Variants in CA12 observed in about 807,000 individuals in gnomAD.
The protein encoded by CA12 is carbonic anhydrase 12, also known as carbonate dehydratase XII.
Under a neutral mutation model 46.8 loss-of-function variants are expected in CA12, and 36 were observed. That is an observed-to-expected ratio of 0.77 (90% CI 0.59 to 1.02). The LOEUF (loss-of-function observed/expected upper bound fraction) is 1.02, where lower values mean the gene tolerates loss of function less well. Among genes scored for constraint, CA12 ranks in the 50% least tolerant of loss-of-function variants. The probability of loss-of-function intolerance (pLI) is 0.00; values close to 1 mark genes in which losing one functional copy is unlikely to be tolerated. For synonymous variants in CA12, 202 were observed against 187.0 expected (o/e 1.08, Z -0.65); for missense variants, 436 against 451.4 (o/e 0.97, Z 0.31).
intron 2 of CA12, among the ~76,000 whole-genome samples, chr15:63,347,200 G>C (rs1055207757): frequency 2.2e-4 from 33 of 152,204 alleles, no homozygotes; most frequent in Non-Finnish European, 2.2e-4. Flanking sequence ...TGACCACAGT[G>C]CCAAGTATTA....
In CA12 at chr15:63,322,573, G is replaced by GTAT. The variant is rs1567037665; in HGVS notation, c.*3711_*3712insATA. The GTAT allele has an allele frequency of 6.6e-6, 1 of 152,194 alleles. No individual in the cohort carries two copies. The highest frequency in any genetic ancestry group is 1.5e-5 in the Non-Finnish European group (1 of 68,036). 9.4% of individuals were successfully genotyped at this position (152,194 alleles called of 1,614,324 possible). ...AAGGAGGGCCTGAGTTCCCTCTGCC[G>GTAT]ACCTATGGCTCTCACTGCTATGCCT... On this transcript the variant is annotated 3_prime_UTR_variant, in exon 11 of 11. Transcript: ENST00000178638. This position sits in a 1 kb window ranked among gnomAD's most constrained non-coding sequence, Gnocchi z 4.1.
intron 2 of CA12, among the ~76,000 whole-genome samples, chr15:63,365,412 G>C (rs1219706421): frequency 6.6e-6 from 1 of 152,238 alleles, no homozygotes; most frequent in Non-Finnish European, 1.5e-5. Context: ...AGGGAGTTAA[G>C]AGGCCCAAGT....
intron 8 of CA12, among the ~76,000 whole-genome samples, chr15:63,336,220 A>C (rs567132946): frequency 6.6e-6 from 1 of 152,316 alleles, no homozygotes; most frequent in East Asian, 1.9e-4. Flanking sequence ...GAGGCCCCTC[A>C]AGCTCCCCTA....
intron 2 of CA12, among the ~76,000 whole-genome samples, 180 bp from the exon 3 acceptor site, chr15:63,346,889 C>T (rs748498594): frequency 2.6e-5 from 4 of 152,210 alleles, no homozygotes; most frequent in Non-Finnish European, 5.9e-5. Flanking sequence ...CTCAGGACCA[C>T]CTGCTCTTAA....
rs951934294 is a variant in CA12, at chr15:63,324,720, G to T, written c.*1565C>A. ...TTTTTTTTTTTTGAGATGGAGTCTCGCTCTGTCACCCAGGCTAGAGTGCAG... is the reference window on the plus strand; with the variant it reads ...TTTTTTTTTTTTGAGATGGAGTCTCTCTCTGTCACCCAGGCTAGAGTGCAG... On this transcript the variant is annotated 3_prime_UTR_variant, in exon 11 of 11. Transcript: ENST00000178638. 1.5e-5 allele frequency: 2 copies of T among 137,150 alleles called. No homozygotes were observed. Among genetic ancestry groups the T allele is most frequent in the African/African-American group, 5.6e-5 (2 of 35,954 alleles). The allele number at this position is 137,150 out of a possible 1,614,324, so 8.5% of individuals were successfully genotyped here.
chr15:63,360,851 G>A (rs1463550860), intron 2 of CA12, among the ~76,000 whole-genome samples: 2 of 152,152 alleles, frequency 1.3e-5, no homozygotes, highest in African/African-American at 4.8e-5. Flanking sequence ...CTGCTTATAT[G>A]TCTACCTCCC....
Position 63,328,639 on chromosome 15 carries a change from G to T in CA12, c.875-509C>A, listed in dbSNP as rs1184955826. Among the ~76,000 whole-genome samples, 1 of 152,034 alleles carries T rather than the reference G, an allele frequency of 6.6e-6. No homozygotes were observed. The highest frequency in any genetic ancestry group is 1.5e-5 in the Non-Finnish European group (1 of 68,006). ...GTGAGCCCCTGCGCCCGGCCCCGAT[G>T]CTCCTTTATCACAACAGTTTCCTGG... On this transcript the variant is annotated intron_variant, in intron 8 of 10. Coordinates refer to ENST00000178638, the MANE Select transcript of CA12 (RefSeq NM_001218.5). This position sits in a 1 kb window ranked among gnomAD's most constrained non-coding sequence, Gnocchi z 5.9.
chr15:63,345,436 C>A lies in CA12; in HGVS notation c.429+41G>T. ...CAGGTCGAGAAGGTGCCACACCACCCACTGCAGAGCAGCCTCTGCCAGACT... is the reference window on the plus strand; with the variant it reads ...CAGGTCGAGAAGGTGCCACACCACCAACTGCAGAGCAGCCTCTGCCAGACT... On this transcript the variant is annotated intron_variant, in intron 4 of 10. Coordinates refer to ENST00000178638, the MANE Select transcript of CA12 (RefSeq NM_001218.5). This position sits in a 1 kb window ranked among gnomAD's most constrained non-coding sequence, Gnocchi z 4.3. 6.2e-7 allele frequency: 1 copy of A among 1,600,346 alleles called. No homozygotes were observed. Among genetic ancestry groups the A allele is most frequent in the South Asian group, 1.1e-5 (1 of 90,892 alleles).
At chr15:63,337,466 T>G (rs907074821) in intron 8 of CA12, among the ~76,000 whole-genome samples, 9 of 151,314 alleles carry the variant, frequency 5.9e-5, no homozygotes, top group Admixed American at 2.6e-4. Context: ...TGTTTTTTGG[T>G]TTTTTTTTGA....
In CA12 at chr15:63,322,718, A is replaced by T. The variant is rs1298569421; in HGVS notation, c.*3567T>A. 6.6e-6 allele frequency: 1 copy of T among 152,262 alleles called. No homozygotes were observed. The highest frequency in any genetic ancestry group is 2.4e-5 in the African/African-American group (1 of 41,462). 9.4% of individuals were successfully genotyped at this position (152,262 alleles called of 1,614,324 possible). Reference sequence around the variant, plus strand: ...GTCCAAGGAGTGAGTGCTTCGTGGGAACTCTGGCTTCCCGGCTGTCTTCAT... The same window carrying T: ...GTCCAAGGAGTGAGTGCTTCGTGGGTACTCTGGCTTCCCGGCTGTCTTCAT... On this transcript the variant is annotated 3_prime_UTR_variant, in exon 11 of 11. Coordinates refer to ENST00000178638, the MANE Select transcript of CA12 (RefSeq NM_001218.5). This position sits in a 1 kb window ranked among gnomAD's most constrained non-coding sequence, Gnocchi z 4.1.
rs2152627486 is a variant in CA12, at chr15:63,374,542, A to C, written c.106+1116T>G. Among the ~76,000 whole-genome samples, 1 of 152,340 alleles carries C rather than the reference A, an allele frequency of 6.6e-6. No homozygotes were observed. Among genetic ancestry groups the C allele is most frequent in the Non-Finnish European group, 1.5e-5 (1 of 68,028 alleles). ...CCTTCTATTACCCACCCACTTAGCA[A>C]TGTGCTGTGCACATAATCAGTACAT... On this transcript the variant is annotated intron_variant, in intron 2 of 10. Transcript: ENST00000178638. The surrounding 1 kb of genome is among the most constrained non-coding windows in gnomAD (Gnocchi z 4.4).
chr15:63,328,158 T>C lies in CA12; in HGVS notation c.875-28A>G. 6.2e-7 allele frequency: 1 copy of C among 1,610,940 alleles called. No individual in the cohort carries two copies. ...TAAAAGGGGAGAGGAAAAGACGAGG[T>C]TACTCTAGAGTCAAACCACACTGGA... On this transcript the variant is annotated intron_variant, in intron 8 of 10. Coordinates refer to ENST00000178638, the MANE Select transcript of CA12 (RefSeq NM_001218.5). This position sits in a 1 kb window ranked among gnomAD's most constrained non-coding sequence, Gnocchi z 5.9.
Position 63,346,574 on chromosome 15 carries a change from A to C in CA12, c.242T>G (p.Leu81Arg). Residue 81 changes from leucine to arginine, a missense_variant, in exon 3 of 11, where the codon CTG becomes CGG. Coordinates refer to ENST00000178638, the MANE Select transcript of CA12 (RefSeq NM_001218.5). ...LTPLEFQGYN[L>R]SANKQFLLTN... ...CAGGAGAAACTGCTTGTTGGCAGAC[A>C]GATTGTAGCCTTGGAACTCGAGGGG... 6.2e-7 allele frequency: 1 copy of C among 1,612,078 alleles called. No individual in the cohort carries two copies. The highest frequency in any genetic ancestry group is 1.3e-5 in the African/African-American group (1 of 74,838).
chr15:63,334,542 C>A (rs1299992254), intron 8 of CA12, among the ~76,000 whole-genome samples: 1 of 151,836 alleles, frequency 6.6e-6, no homozygotes, highest in African/African-American at 2.4e-5. Context: ...CAGGCATGAG[C>A]CACACCCAGC....
chr15:63,337,472 T>C (rs1160015839), intron 8 of CA12, among the ~76,000 whole-genome samples: 1 of 152,198 alleles, frequency 6.6e-6, no homozygotes, highest in South Asian at 2.1e-4. Context: ...TTGGTTTTTT[T>C]TTGAGACGGA....
rs1032740836 is a variant in CA12 at position 63,329,168 on chromosome 15, G to T, written c.875-1038C>A. Among the ~76,000 whole-genome samples, 2 of 152,220 alleles carry T rather than the reference G, an allele frequency of 1.3e-5. No homozygotes were observed. The highest frequency in any genetic ancestry group is 2.4e-5 in the African/African-American group (1 of 41,456). The stretch of plus-strand genomic sequence containing the variant: ...CCCAGCCCATCAGCTTGTCATCATG[G>T]TTTGGTTCTATTTTTGCTTTGTCCC... On this transcript the variant is annotated intron_variant, in intron 8 of 10. Transcript: ENST00000178638. The surrounding 1 kb of genome is among the most constrained non-coding windows in gnomAD (Gnocchi z 4.8).
intron 2 of CA12, among the ~76,000 whole-genome samples, chr15:63,359,526 C>T (rs970516954): frequency 2.6e-5 from 4 of 152,124 alleles, no homozygotes; most frequent in African/African-American, 7.2e-5. Context: ...CACACACACA[C>T]ATACACACAC....
chr15:63,349,925 A>G (rs2039205316), intron 2 of CA12, among the ~76,000 whole-genome samples: 1 of 152,132 alleles, frequency 6.6e-6, no homozygotes, highest in South Asian at 2.1e-4. Flanking sequence ...TAATTCCCTC[A>G]TGTATTTCTT....
At chr15:63,368,634 G>T (rs961039789) in intron 2 of CA12, among the ~76,000 whole-genome samples, 3 of 152,224 alleles carry the variant, frequency 2.0e-5, no homozygotes, top group African/African-American at 7.2e-5. Flanking sequence ...AGCTCTTGCA[G>T]AAGCCATGCC....
Sources: allele counts gnomAD v4.1 joint callset (sites outside exome capture counted in the v4.1 genomes callset), GRCh38; gene constraint gnomAD v4.1.1; non-coding constraint Gnocchi (gnomAD v3.1); transcripts MANE v1.5; gene names NCBI Gene and HGNC (gene_info 2026-07-23, HGNC 2026-07-21).